USP29: variants seen among roughly 807,000 people sequenced by gnomAD.
The protein encoded by USP29 is ubiquitin carboxyl-terminal hydrolase 29.
For missense variants in USP29, 1,102 were observed against 1,069.0 expected (o/e 1.03, Z -0.43); for synonymous variants, 386 against 387.4 (o/e 1.00, Z 0.04).
chr19:57,127,262 C>T (rs1474377881), intron 3 of USP29, among the ~76,000 whole-genome samples: 1 of 152,214 alleles, frequency 6.6e-6, no homozygotes, highest in African/African-American at 2.4e-5. Context: ...CTTGAGGAGG[C>T]AGCCTGTCCC....
chr19:57,122,513 A>ATGAG (rs1555754411), intron 2 of USP29, 39 bp downstream of exon 2: 8 of 135,422 alleles, frequency 5.9e-5, no homozygotes, highest in African/African-American at 2.2e-4. Flanking sequence ...GGGTGATGGG[A>ATGAG]TGTGTGTGTG....
rs1292608072 is a variant in USP29 at position 57,130,018 on chromosome 19, T to C, written c.1343T>C (p.Val448Ala). 7.4e-6 allele frequency: 12 copies of C among 1,614,168 alleles called. No homozygotes were observed. The highest frequency in any genetic ancestry group is 1.0e-5 in the Non-Finnish European group (12 of 1,180,030). ...CKACGHAVLK[V>A]EPNNYLSINL... ...GCTTGTGGTCATGCTGTTCTCAAGG[T>C]AGAACCTAATAATTATCTCTCCATC... Residue 448 changes from valine (V) to alanine (A), a missense_variant, in exon 4 of 4, where the codon GTA becomes GCA. By Grantham distance (64) the Val-to-Ala change is moderately conservative. Transcript: ENST00000254181.
chr19:57,122,891 A>G (rs986620204), intron 2 of USP29, among the ~76,000 whole-genome samples: 2 of 152,122 alleles, frequency 1.3e-5, no homozygotes, highest in African/African-American at 4.8e-5. Flanking sequence ...AAGTTTCCCT[A>G]AAGAGGCAAT....
chr19:57,129,532 G>T lies in USP29; in HGVS notation c.857G>T (p.Gly286Val). ...LDSHSQQLQQ[G>V]FPNLGNTCYM... The stretch of plus-strand genomic sequence containing the variant: ...TCTCATTCACAGCAACTGCAGCAGG[G>T]GTTCCCCAATTTGGGAAACACCTGT... Residue 286 changes from glycine to valine, a missense_variant, in exon 4 of 4, where the codon GGG becomes GTG. By Grantham distance (109) the Gly-to-Val change is moderately radical. Transcript: ENST00000254181. The T allele has an allele frequency of 6.2e-7, 1 of 1,614,074 alleles. No individual in the cohort carries two copies. Among genetic ancestry groups the T allele is most frequent in the Middle Eastern group, 1.6e-4 (1 of 6,062 alleles).
chr19:57,126,043 A>T (rs1412440901), intron 3 of USP29, among the ~76,000 whole-genome samples: 1 of 152,152 alleles, frequency 6.6e-6, no homozygotes, highest in Non-Finnish European at 1.5e-5. Flanking sequence ...GCTGGATATG[A>T]AATTCAGGGT....
rs761199843 is a variant in USP29, at chr19:57,130,803, G to A, written c.2128G>A (p.Glu710Lys). The A allele has an allele frequency of 6.2e-6, 10 of 1,614,030 alleles. No homozygotes were observed. In the African/African-American group the frequency reaches 1.2e-4, roughly 19 times the overall value. Reference protein sequence around the residue: ...FVEFNFDSVTESTNGFYDCKE... With the variant: ...FVEFNFDSVTKSTNGFYDCKE... ...AGAGTTCAATTTTGACAGTGTCACT[G>A]AGTCCACCAATGGCTTTTATGACTG... The change falls in exon 4 of 4, where the codon GAG becomes AAG. Residue 710 changes from glutamate to lysine, a missense_variant. Physicochemically the swap from Glu to Lys is moderately conservative, Grantham distance 56. Transcript: ENST00000254181.
At position 57,130,399 on chromosome 19, in the gene USP29, G is replaced by T; in HGVS notation, c.1724G>T (p.Ser575Ile). 1 of 1,614,196 alleles carries T rather than the reference G, an allele frequency of 6.2e-7. No homozygotes were observed. Among genetic ancestry groups the T allele is most frequent in the East Asian group, 2.2e-5 (1 of 44,884 alleles). The stretch of plus-strand genomic sequence containing the variant: ...CAGGAGATGATTTCTGAGATCAACA[G>T]CCCATTGACACCATCAATGAAGCTG... Reference protein sequence around the residue: ...VSQEMISEINSPLTPSMKLTS... With the variant: ...VSQEMISEINIPLTPSMKLTS... Residue 575 changes from serine to isoleucine, a missense_variant, in exon 4 of 4, where the codon AGC becomes ATC. By Grantham distance (142) the Ser-to-Ile change is moderately radical. Coordinates refer to ENST00000254181, the MANE Select transcript of USP29 (RefSeq NM_020903.3).
Position 57,130,028 on chromosome 19 carries a change from T to C in USP29, c.1353T>C (p.Asn451=). ...CGHAVLKVEP[N]NYLSINLHQE... ...ATGCTGTTCTCAAGGTAGAACCTAA[T>C]AATTATCTCTCCATCAACCTGCACC... is the stretch of plus-strand genomic sequence containing the variant. Residue 451 remains asparagine (N), a synonymous_variant, in exon 4 of 4, where the codon AAT becomes AAC. Transcript: ENST00000254181. 1.2e-6 allele frequency: 2 copies of C among 1,614,156 alleles called. No homozygotes were observed. The highest frequency in any genetic ancestry group is 1.1e-5 in the South Asian group (1 of 91,056).
rs138752815 is a variant in USP29 at position 57,129,883 on chromosome 19, A to T, written c.1208A>T (p.Asp403Val). The part of the protein sequence containing the change: ...ATLNTGKECG[D>V]ENSSPQMHVG... ...TTGAATACTGGGAAAGAATGTGGGG[A>T]TGAAAATTCATCTCCACAAATGCAT... Residue 403 changes from aspartate (D) to valine (V), a missense_variant, in exon 4 of 4, where the codon GAT becomes GTT. Asp to Val is a radical substitution (Grantham distance 152, BLOSUM62 -3). Coordinates refer to ENST00000254181, the MANE Select transcript of USP29 (RefSeq NM_020903.3). 1.4e-4 allele frequency: 226 copies of T among 1,614,046 alleles called. No homozygotes were observed. Among genetic ancestry groups the T allele is most frequent in the Admixed American group, 4.8e-4 (29 of 59,998 alleles).
chr19:57,119,634 G>T (rs1476918158), upstream of USP29, among the ~76,000 whole-genome samples: 1 of 152,086 alleles, frequency 6.6e-6, no homozygotes, highest in Non-Finnish European at 1.5e-5. Context: ...CGTTGGTCAG[G>T]CTAATATCAA....
At position 57,130,408 on chromosome 19, in the gene USP29, C is replaced by T. The variant is rs1221484467; in HGVS notation, c.1733C>T (p.Thr578Ile). 6.2e-7 allele frequency: 1 copy of T among 1,614,016 alleles called. No homozygotes were observed. The highest frequency in any genetic ancestry group is 2.2e-5 in the East Asian group (1 of 44,888). ...ATTTCTGAGATCAACAGCCCATTGACACCATCAATGAAGCTGACCTCAGAA... is the reference window on the plus strand; with the variant it reads ...ATTTCTGAGATCAACAGCCCATTGATACCATCAATGAAGCTGACCTCAGAA... ...EMISEINSPL[T>I]PSMKLTSESS... Residue 578 changes from threonine (T) to isoleucine (I), a missense_variant, in exon 4 of 4, where the codon ACA becomes ATA. Transcript: ENST00000254181.
intron 3 of USP29, among the ~76,000 whole-genome samples, chr19:57,124,342 GTT>G (rs113001620): frequency 7.1e-6 from 1 of 139,870 alleles, no homozygotes; most frequent in African/African-American, 2.6e-5. Context: ...TTCCCTTCAT[GTT>G]TTTTTTTTTT....
chr19:57,121,962 TAGA>T (rs1301828310), intron 1 of USP29, among the ~76,000 whole-genome samples: 1 of 150,682 alleles, frequency 6.6e-6, no homozygotes, highest in East Asian at 2.0e-4. Context: ...AATAGATAGA[TAGA>T]TAGATAGATA....
chr19:57,125,439 TG>T (rs1356886898), intron 3 of USP29, among the ~76,000 whole-genome samples: 22 of 152,150 alleles, frequency 1.4e-4, no homozygotes, highest in African/African-American at 5.1e-4. Flanking sequence ...TTTATGAATC[TG>T]GATGCTCCTG....
intron 1 of USP29, among the ~76,000 whole-genome samples, chr19:57,121,590 A>G (rs1291409154): frequency 6.8e-6 from 1 of 146,370 alleles, no homozygotes; most frequent in Non-Finnish European, 1.5e-5. Context: ...TGTATGTTAT[A>G]TATACTTATA....
At position 57,131,387 on chromosome 19, in the gene USP29, G is replaced by C; in HGVS notation, c.2712G>C (p.Gln904His). 1 of 1,614,142 alleles carries C rather than the reference G, an allele frequency of 6.2e-7. No individual in the cohort carries two copies. Among genetic ancestry groups the C allele is most frequent in the Non-Finnish European group, 8.5e-7 (1 of 1,180,022 alleles). The change falls in exon 4 of 4, where the codon CAG becomes CAC. Residue 904 changes from glutamine (Q) to histidine (H), a missense_variant. By Grantham distance (24) the Gln-to-His change is conservative. Transcript: ENST00000254181. ...AGAACTCTCGGCTACCTAGCACACA[G>C]GCAGGGGTGATCCCTCAGGGGGAAT... ...KAENSRLPST[Q>H]AGVIPQGEYE...
chr19:57,131,113 A>G lies in USP29; in HGVS notation c.2438A>G (p.Asn813Ser). 1 of 1,614,188 alleles carries G rather than the reference A, an allele frequency of 6.2e-7. No homozygotes were observed. The highest frequency in any genetic ancestry group is 8.5e-7 in the Non-Finnish European group (1 of 1,180,040). The part of the protein sequence containing the change: ...TRGEAKELTR[N>S]VKMGDPLQAY... ...GGTGAAGCCAAGGAACTAACAAGAA[A>G]CGTGAAGATGGGGGATCCTCTCCAG... The change falls in exon 4 of 4, where the codon AAC becomes AGC. Residue 813 changes from asparagine (N) to serine (S), a missense_variant. Coordinates refer to ENST00000254181, the MANE Select transcript of USP29 (RefSeq NM_020903.3).
chr19:57,121,001 A>C (rs2086792444), intron 1 of USP29, among the ~76,000 whole-genome samples: 1 of 151,046 alleles, frequency 6.6e-6, no homozygotes, highest in South Asian at 2.1e-4. Flanking sequence ...AGGCTTAGGC[A>C]GGAGAATCAC....
chr19:57,129,477 A>G lies in USP29; in HGVS notation c.802A>G (p.Arg268Gly). ...LEPEHSQGDP[R>G]CNKAQVPLDS... ...ACCAGAGCACAGCCAGGGTGACCCA[A>G]GATGCAACAAAGCCCAGGTGCCTCT... Residue 268 changes from arginine to glycine, a missense_variant, in exon 4 of 4, where the codon AGA (arginine) becomes GGA (glycine). Arg to Gly is a moderately radical substitution (Grantham distance 125). Coordinates refer to ENST00000254181, the MANE Select transcript of USP29 (RefSeq NM_020903.3). 2 of 1,614,246 alleles carry G rather than the reference A, an allele frequency of 1.2e-6. No individual in the cohort carries two copies. Among genetic ancestry groups the G allele is most frequent in the Non-Finnish European group, 1.7e-6 (2 of 1,180,046 alleles).
Sources: gnomAD v4.1 joint callset for allele counts (sites outside exome capture counted in the v4.1 genomes callset) on GRCh38, gnomAD v4.1.1 for gene constraint, MANE v1.5 for transcripts, NCBI Gene and HGNC (gene_info 2026-07-23, HGNC 2026-07-21) for gene names.